The following ZNF600 variants were observed in gnomAD, a reference collection of about 807,000 sequenced individuals.
ZNF600 encodes zinc finger protein 600.
A neutral mutation model predicts 7.3 loss-of-function variants in ZNF600; 4 were observed. The ratio of observed to expected loss-of-function variants is 0.55; its 90% CI spans 0.27 to 1.25. ZNF600 has a LOEUF of 1.25. Ranked by LOEUF, ZNF600 falls within the 50% of genes most tolerant of loss-of-function variation. ZNF600 has a pLI of 0.12. For synonymous variants in ZNF600, 290 were observed against 308.9 expected (o/e 0.94, Z 0.64); for missense variants, 911 against 922.1 (o/e 0.99, Z 0.16).
chr19:52,795,785 C>G, the ZNF600 span, among the ~76,000 whole-genome samples: 1 of 152,058 alleles, frequency 6.6e-6, no homozygotes, highest in Admixed American at 6.5e-5. Context: ...AGGCTGTTCT[C>G]AAATACCTTG....
the ZNF600 span, among the ~76,000 whole-genome samples, chr19:52,803,960 A>G: frequency 6.6e-5 from 10 of 152,208 alleles, no homozygotes; most frequent in African/African-American, 2.4e-4. Context: ...CCATCTCAAA[A>G]AAATAAAATA....
In ZNF600 at chr19:52,777,246, C is replaced by A. The variant is rs1463393670; in HGVS notation, c.63+1580G>T. On this transcript the variant is annotated intron_variant, in intron 2 of 3. Coordinates refer to ENST00000648973, the Ensembl canonical transcript of ZNF600. Reference sequence around the variant, plus strand: ...ACAAAAAATTAAACAGGCGAGGCAGCAAATGCCTGTAATCCCAGATACTCG... The same window carrying A: ...ACAAAAAATTAAACAGGCGAGGCAGAAAATGCCTGTAATCCCAGATACTCG... 2.6e-5 allele frequency among the ~76,000 whole-genome samples: 4 copies of A among 151,594 alleles called. No individual in the cohort carries two copies. The East Asian group carries it at 7.8e-4, about 30-fold the overall frequency.
intron 1 of ZNF600, 40 bp from the exon 3 acceptor site, chr19:52,781,095 T>C (rs914490791): frequency 6.6e-6 from 1 of 151,364 alleles, no homozygotes; most frequent in African/African-American, 2.4e-5. Flanking sequence ...GTTAAAGCTG[T>C]GAGATGATAA....
chr19:52,774,770 A>G (rs2062659576), intron 2 of ZNF600, 69 bp from the exon 5 acceptor site: 1 of 985,270 alleles, frequency 1.0e-6, no homozygotes, highest in Non-Finnish European at 1.2e-6. Flanking sequence ...GGGAAATGAG[A>G]AAAGAGAAAA....
At chr19:52,779,036 A>T in intron 1 of ZNF600, 129 bp from the exon 4 acceptor site, 1 of 786,236 alleles carries the variant, frequency 1.3e-6, no homozygotes, top group Non-Finnish European at 1.9e-6. Flanking sequence ...ACCAGAGATC[A>T]TGCAGAGATA....
chr19:52,792,510 G>A, the ZNF600 span, among the ~76,000 whole-genome samples: 1 of 151,970 alleles, frequency 6.6e-6, no homozygotes, highest in Non-Finnish European at 1.5e-5. Context: ...CTGAGATCGT[G>A]CCACTGCACT....
chr19:52,831,837 C>A, the ZNF600 span, among the ~76,000 whole-genome samples: 50,796 of 151,436 alleles, frequency 0.34, 8,738 homozygotes, highest in South Asian at 0.52. Flanking sequence ...ACAGGGTTTC[C>A]CCATTTTGGT....
At chr19:52,798,589 A>G in the ZNF600 span, 1 of 481,260 alleles carries the variant, frequency 2.1e-6, no homozygotes, top group South Asian at 1.6e-5. Context: ...GCTTTGCCAC[A>G]ATCATCACAC....
chr19:52,802,559 C>A, the ZNF600 span, among the ~76,000 whole-genome samples: 1 of 151,920 alleles, frequency 6.6e-6, no homozygotes, highest in Non-Finnish European at 1.5e-5. Context: ...TGCCTGTAAT[C>A]CCAGCTACTT....
At chr19:52,831,234 T>C in the ZNF600 span, among the ~76,000 whole-genome samples, 1 of 152,146 alleles carries the variant, frequency 6.6e-6, no homozygotes, top group Admixed American at 6.5e-5. Flanking sequence ...TAGAGATGTG[T>C]CTGTGGAAAC....
chr19:52,800,149 T>C, the ZNF600 span: 5 of 1,610,566 alleles, frequency 3.1e-6, no homozygotes, highest in South Asian at 1.1e-5. Context: ...TGTCTTTCCA[T>C]GTGTGATTTG....
At chr19:52,808,949 A>C in the ZNF600 span, among the ~76,000 whole-genome samples, 2 of 152,240 alleles carry the variant, frequency 1.3e-5, no homozygotes, top group Non-Finnish European at 2.9e-5. Flanking sequence ...CATTTGTCCC[A>C]GATTTTCAAA....
Position 52,786,576 on chromosome 19 carries a change from G to C in ZNF600, c.-20+19C>G, listed in dbSNP as rs972538934. 8 of 169,562 alleles carry C rather than the reference G, an allele frequency of 4.7e-5. No individual in the cohort carries two copies. Among genetic ancestry groups the C allele is most frequent in the Non-Finnish European group, 1.1e-4 (8 of 75,074 alleles). The allele number at this position is 169,562 out of a possible 1,614,324, so 10.5% of individuals were successfully genotyped here. On this transcript the variant is annotated intron_variant, in intron 1 of 3. Transcript: ENST00000648973. ...CGAGCGACTTCAAACCCAAAAGCAA[G>C]CAACTTCCAGACTCTTACCGGGACG...
At chr19:52,798,812 G>C in the ZNF600 span, 1 of 843,352 alleles carries the variant, frequency 1.2e-6, no homozygotes, top group Non-Finnish European at 1.9e-6. Flanking sequence ...TGCAATGGTT[G>C]TAGCATTACT....
chr19:52,767,404 C>G lies in ZNF600; in HGVS notation c.559G>C (p.Ala187Pro), dbSNP rs368329205. The change falls in exon 4 of 4, where the codon GCT (alanine) becomes CCT (proline). Residue 187 changes from alanine to proline, a missense_variant. Coordinates refer to ENST00000648973, the Ensembl canonical transcript of ZNF600. ...CTTTGGGATGTTGAAACCGAGGGAG[C>G]ATCACTGGTAGACTTCTCAAATTGA... 5 of 1,613,986 alleles carry G rather than the reference C, an allele frequency of 3.1e-6. No individual in the cohort carries two copies. The African/African-American group carries it at 6.7e-5, about 22-fold the overall frequency.
chr19:52,787,809 A>G (rs903056833), upstream of ZNF600, among the ~76,000 whole-genome samples: 6 of 148,820 alleles, frequency 4.0e-5, no homozygotes, highest in African/African-American at 1.2e-4. Flanking sequence ...GCAGTGAGCC[A>G]AGATCGTGCC....
chr19:52,799,789 T>C, the ZNF600 span: 1 of 1,614,186 alleles, frequency 6.2e-7, no homozygotes, highest in South Asian at 1.1e-5. Context: ...TTCTCTCCAG[T>C]ATGAACTCTC....
chr19:52,774,152 AG>A (rs1004136535), intron 3 of ZNF600, among the ~76,000 whole-genome samples: 20 of 151,910 alleles, frequency 1.3e-4, no homozygotes, highest in African/African-American at 4.6e-4. Flanking sequence ...GGATGGGTCC[AG>A]GGGCTGTGGC....
At chr19:52,767,107 G>T (rs766239597) in exon 4 of ZNF600, 2 of 1,613,736 alleles carry the variant, frequency 1.2e-6, no homozygotes, top group African/African-American at 1.3e-5. Flanking sequence ...CACTTGTAAG[G>T]TTTCTCTCCA....
Sources: gnomAD v4.1 joint callset for allele counts (sites outside exome capture counted in the v4.1 genomes callset) on GRCh38, gnomAD v4.1.1 for gene constraint, MANE v1.5 for transcripts, NCBI Gene and HGNC (gene_info 2026-07-23, HGNC 2026-07-21) for gene names.